Variants in TRAPPC9 observed in about 807,000 individuals in gnomAD.
TRAPPC9 encodes trafficking protein particle complex subunit 9.
TRAPPC9 carries 83 observed loss-of-function variants against 124.0 expected under a neutral mutation model. The observed-to-expected ratio is 0.67, with a 90% CI of 0.56 to 0.80. TRAPPC9 has a LOEUF of 0.80. Among genes scored for constraint, TRAPPC9 ranks in the 30% least tolerant of loss-of-function variants. The pLI is 0.00. For missense variants in TRAPPC9, 1,302 were observed against 1,508.3 expected (o/e 0.86, Z 2.27); for synonymous variants, 638 against 617.5 (o/e 1.03, Z -0.49).
intron 9 of TRAPPC9, among the ~76,000 whole-genome samples, chr8:140,317,960 T>C (rs1402056646): frequency 6.6e-6 from 1 of 152,206 alleles, no homozygotes; most frequent in African/African-American, 2.4e-5. Flanking sequence ...TGATTATGGA[T>C]TGGTATCAAA....
rs1420208631 is a variant in TRAPPC9 at position 140,451,266 on chromosome 8, C to T, written c.108G>A (p.Lys36=). ...TGATCTGACTCACAGAGCAAATCCTCTTATAGATCCTGAAGAAGTTCTCCT... is the reference window on the plus strand; with the variant it reads ...TGATCTGACTCACAGAGCAAATCCTTTTATAGATCCTGAAGAAGTTCTCCT... ...VSEENFFRIY[K]RICSVSQISV... The change falls in exon 2 of 23, where the codon AAG becomes AAA. Residue 36 remains lysine, a synonymous_variant. Transcript: ENST00000438773. The T allele has an allele frequency of 1.2e-6, 2 of 1,613,010 alleles. No individual in the cohort carries two copies. Among genetic ancestry groups the T allele is most frequent in the Non-Finnish European group, 1.7e-6 (2 of 1,180,022 alleles).
chr8:140,160,362 C>T (rs1419693902), intron 17 of TRAPPC9, among the ~76,000 whole-genome samples: 1 of 152,158 alleles, frequency 6.6e-6, no homozygotes, highest in Non-Finnish European at 1.5e-5. Flanking sequence ...TTTATTGCGG[C>T]ACTATTCACA....
intron 7 of TRAPPC9, among the ~76,000 whole-genome samples, chr8:140,386,587 T>C (rs35975226): frequency 4.6e-5 from 7 of 151,884 alleles, no homozygotes; most frequent in Non-Finnish European, 8.8e-5. Flanking sequence ...GAGAATAAAA[T>C]ACCTAGGAAT....
At chr8:139,778,820 AAGG>A (rs1215711936) in intron 21 of TRAPPC9, among the ~76,000 whole-genome samples, 2 of 152,192 alleles carry the variant, frequency 1.3e-5, no homozygotes, top group African/African-American at 4.8e-5. Context: ...GAGACCTCTG[AAGG>A]AGAAGAGAGT....
chr8:139,812,600 A>G (rs962615637), intron 21 of TRAPPC9, among the ~76,000 whole-genome samples: 8 of 152,244 alleles, frequency 5.3e-5, no homozygotes, highest in African/African-American at 1.9e-4. Flanking sequence ...TTTAAGTCAC[A>G]TGTATATATC....
intron 21 of TRAPPC9, among the ~76,000 whole-genome samples, chr8:139,783,629 G>A (rs1821984947): frequency 6.6e-6 from 1 of 152,136 alleles, no homozygotes; most frequent in African/African-American, 2.4e-5. Context: ...GAAAATCAGA[G>A]GGAATATTTT....
intron 19 of TRAPPC9, among the ~76,000 whole-genome samples, chr8:139,971,746 T>TACACACACAC (rs1554419388): frequency 3.2e-3 from 51 of 15,714 alleles, no homozygotes; most frequent in Non-Finnish European, 3.8e-3. Context: ...CACATATATA[T>TACACACACAC]ATACACACAC....
At chr8:139,738,158 A>G (rs551340223) in intron 21 of TRAPPC9, among the ~76,000 whole-genome samples, 5 of 152,230 alleles carry the variant, frequency 3.3e-5, no homozygotes, top group African/African-American at 1.2e-4. Context: ...CGAATGCCCT[A>G]TCCCAGGGAA....
At chr8:140,008,498 TGA>T (rs1346854879) in intron 18 of TRAPPC9, 3 of 152,256 alleles carry the variant, frequency 2.0e-5, no homozygotes, top group Admixed American at 1.3e-4. Flanking sequence ...TGAGGATTTC[TGA>T]GAGGTAAAGC....
intron 9 of TRAPPC9, among the ~76,000 whole-genome samples, chr8:140,316,256 G>T (rs977062782): frequency 6.6e-6 from 1 of 152,166 alleles, no homozygotes; most frequent in South Asian, 2.1e-4. Flanking sequence ...TAATCTTTTT[G>T]ATTTTTTGCT....
chr8:140,174,808 T>C (rs1271414417), intron 17 of TRAPPC9, among the ~76,000 whole-genome samples: 1 of 152,204 alleles, frequency 6.6e-6, no homozygotes, highest in Non-Finnish European at 1.5e-5. Flanking sequence ...GTTTATCCAT[T>C]CACCAGCTGA....
intron 19 of TRAPPC9, among the ~76,000 whole-genome samples, chr8:139,964,252 G>T (rs961368526): frequency 1.3e-5 from 2 of 149,530 alleles, no homozygotes; most frequent in Non-Finnish European, 2.9e-5. Flanking sequence ...AAAAGCGGGG[G>T]AGCACCTCAG....
chr8:139,825,418 G>C lies in TRAPPC9; in HGVS notation c.3055+60461C>G, dbSNP rs917091897. ...TGGCTGTGCAGGATAAGGAATGACG[G>C]GCTGTGGGCCCAGGAAGTGCTTCCC... On this transcript the variant is annotated intron_variant, in intron 21 of 22. Transcript: ENST00000438773. The surrounding 1 kb of genome is among the most constrained non-coding windows in gnomAD (Gnocchi z 4.6). 8.5e-5 allele frequency among the ~76,000 whole-genome samples: 13 copies of C among 152,188 alleles called. No homozygotes were observed. The highest frequency in any genetic ancestry group is 1.5e-4 in the Non-Finnish European group (10 of 68,024).
At position 140,024,096 on chromosome 8, in the gene TRAPPC9, A is replaced by C. The variant is rs779844039; in HGVS notation, c.2557-17T>G. 3.8e-5 allele frequency: 62 copies of C among 1,612,546 alleles called. No individual in the cohort carries two copies. The highest frequency in any genetic ancestry group is 4.9e-5 in the Non-Finnish European group (58 of 1,179,890). On this transcript the variant is annotated splice_polypyrimidine_tract_variant and intron_variant, in intron 17 of 22. Coordinates refer to ENST00000438773, the MANE Select transcript of TRAPPC9 (RefSeq NM_001160372.4). ...TTCCAGGGTCTAAAAGATATTAAAA[A>C]AAAAAATACACACACACACATTAGT... is the stretch of plus-strand genomic sequence containing the variant.
At chr8:139,971,814 T>C (rs145120301) in intron 19 of TRAPPC9, among the ~76,000 whole-genome samples, 1 of 146,840 alleles carries the variant, frequency 6.8e-6, no homozygotes. Context: ...CATATATATA[T>C]ATACACACAC....
At position 140,370,982 on chromosome 8, in the gene TRAPPC9, G is replaced by C; in HGVS notation, c.1333C>G (p.Pro445Ala). ...CCAGTACCTCTGCTGAAATCTTTGG[G>C]ATCCAGCGACAGACTGTAGCCGGGC... ...TLPGYSLSLD[P>A]KDFSRGTHRG... Residue 445 changes from proline to alanine, a missense_variant, in exon 8 of 23, where the codon CCC (proline) becomes GCC (alanine). Transcript: ENST00000438773. 6.2e-7 allele frequency: 1 copy of C among 1,614,214 alleles called. No individual in the cohort carries two copies. The highest frequency in any genetic ancestry group is 8.5e-7 in the Non-Finnish European group (1 of 1,180,056).
intron 21 of TRAPPC9, among the ~76,000 whole-genome samples, chr8:139,817,210 G>A (rs913892421): frequency 2.0e-5 from 3 of 152,166 alleles, no homozygotes; most frequent in Non-Finnish European, 4.4e-5. Flanking sequence ...CTGGAGTTAA[G>A]TCAATGAGGT....
At chr8:140,457,599 C>T (rs1391436885) in intron 1 of TRAPPC9, 40 bp downstream of exon 1, 2 of 985,644 alleles carry the variant, frequency 2.0e-6, no homozygotes, top group East Asian at 1.1e-4. Context: ...CGCAGCCGGT[C>T]CGAATTGCCT....
At chr8:140,139,966 C>A (rs1461706215) in intron 17 of TRAPPC9, among the ~76,000 whole-genome samples, 1 of 152,188 alleles carries the variant, frequency 6.6e-6, no homozygotes, top group African/African-American at 2.4e-5. Flanking sequence ...CATTCTTAAA[C>A]AAACAGCTAC....
Sources: gnomAD v4.1 joint callset for allele counts (sites outside exome capture counted in the v4.1 genomes callset) on GRCh38, gnomAD v4.1.1 for gene constraint, Gnocchi (gnomAD v3.1) non-coding constraint, MANE v1.5 for transcripts, NCBI Gene and HGNC (gene_info 2026-07-23, HGNC 2026-07-21) for gene names.